Variants in KAZN observed in about 807,000 individuals in gnomAD.
KAZN encodes kazrin.
A neutral mutation model predicts 87.4 loss-of-function variants in KAZN; 40 were observed. The ratio of observed to expected loss-of-function variants is 0.46; its 90% CI spans 0.36 to 0.60. The LOEUF is 0.60. Ranked by LOEUF, KAZN falls within the 20% of genes least tolerant of loss-of-function variation. The pLI is 0.00. For synonymous variants in KAZN, 466 were observed against 458.3 expected (o/e 1.02, Z -0.22); for missense variants, 898 against 1,073.9 (o/e 0.84, Z 2.29).
chr1:14,999,286 G>A (rs866615178), intron 2 of KAZN, among the ~76,000 whole-genome samples: 6 of 152,322 alleles, frequency 3.9e-5, no homozygotes, highest in East Asian at 1.9e-4. Context: ...GTCTTACTGC[G>A]TGTGACTTTA....
At chr1:14,438,383 A>G (rs1037481440) in intron 2 of KAZN, among the ~76,000 whole-genome samples, 2 of 152,222 alleles carry the variant, frequency 1.3e-5, no homozygotes, top group African/African-American at 2.4e-5. Flanking sequence ...AAGACATATG[A>G]CATGTCAGAT....
chr1:14,082,966 C>G (rs755984059), intron 1 of KAZN, among the ~76,000 whole-genome samples: 1 of 152,178 alleles, frequency 6.6e-6, no homozygotes, highest in Non-Finnish European at 1.5e-5. Context: ...GAGGCCGAGG[C>G]GGGTGGATCA....
At chr1:14,884,941 A>G (rs1338083798) in intron 1 of KAZN, among the ~76,000 whole-genome samples, 1 of 152,234 alleles carries the variant, frequency 6.6e-6, no homozygotes, top group Non-Finnish European at 1.5e-5. Context: ...AGGGGACCTT[A>G]GACCCTGGCA....
intron 1 of KAZN, among the ~76,000 whole-genome samples, chr1:14,700,872 G>C (rs931052151): frequency 6.6e-6 from 1 of 152,124 alleles, no homozygotes; most frequent in Non-Finnish European, 1.5e-5. Context: ...GCCCCTCTAG[G>C]AGTTGGATAA....
At chr1:14,595,104 A>G (rs1052614520), upstream of KAZN, among the ~76,000 whole-genome samples, 4 of 151,680 alleles carry the variant, frequency 2.6e-5, no homozygotes, top group African/African-American at 4.9e-5. Flanking sequence ...AGATCACACC[A>G]CTATGCTCCA....
chr1:14,493,021 A>G (rs1669758417), intron 2 of KAZN, among the ~76,000 whole-genome samples: 1 of 151,732 alleles, frequency 6.6e-6, no homozygotes, highest in Non-Finnish European at 1.5e-5. Context: ...ATTCTTCCCT[A>G]GACGTTCGCA....
chr1:14,416,705 C>T (rs1309789317), intron 2 of KAZN, among the ~76,000 whole-genome samples: 2 of 151,742 alleles, frequency 1.3e-5, no homozygotes, highest in Non-Finnish European at 2.9e-5. Context: ...CCACTGCACT[C>T]CAGCCTGGGT....
intron 2 of KAZN, among the ~76,000 whole-genome samples, chr1:14,492,721 ACACACAC>A: frequency 1.1e-4 from 1 of 9,380 alleles, no homozygotes; most frequent in African/African-American, 3.9e-4. Flanking sequence ...TACACACACC[ACACACAC>A]CACATACAGC....
At chr1:15,038,106 T>C (rs1015274938) in intron 3 of KAZN, among the ~76,000 whole-genome samples, 4 of 151,874 alleles carry the variant, frequency 2.6e-5, no homozygotes, top group Admixed American at 6.6e-5. Flanking sequence ...TTTTAAAAAT[T>C]AGTGGGGCAG....
upstream of KAZN, chr1:14,598,635 G>A: frequency 8.9e-7 from 1 of 1,123,878 alleles, no homozygotes; most frequent in South Asian, 4.0e-5. This position sits in a 1 kb window ranked among gnomAD's most constrained non-coding sequence, Gnocchi z 4.2. Context: ...TCCCGAGCCG[G>A]CGGCGAATGG....
At chr1:14,465,732 G>T (rs1668090154) in intron 2 of KAZN, among the ~76,000 whole-genome samples, 1 of 152,178 alleles carries the variant, frequency 6.6e-6, no homozygotes, top group Non-Finnish European at 1.5e-5. Flanking sequence ...ATTTGTGCCA[G>T]CTTCACTTTA....
chr1:13,998,858 A>G (rs1003108069), intron 1 of KAZN, among the ~76,000 whole-genome samples: 5 of 152,242 alleles, frequency 3.3e-5, no homozygotes, highest in Non-Finnish European at 7.3e-5. Context: ...GCTCTGGATC[A>G]AGCAGACCTT....
At chr1:14,522,488 G>T (rs1460678892) in intron 2 of KAZN, among the ~76,000 whole-genome samples, 1 of 152,114 alleles carries the variant, frequency 6.6e-6, no homozygotes, top group Non-Finnish European at 1.5e-5. Flanking sequence ...CTTCCAAAAG[G>T]TTTCCTGCAA....
intron 2 of KAZN, among the ~76,000 whole-genome samples, chr1:14,508,705 C>T (rs773264801): frequency 2.6e-5 from 4 of 152,250 alleles, no homozygotes; most frequent in East Asian, 3.9e-4. Flanking sequence ...TTATGTAGAG[C>T]GCTTAAAGCC....
intron 2 of KAZN, among the ~76,000 whole-genome samples, chr1:14,975,446 T>G (rs1456348099): frequency 1.3e-5 from 2 of 152,136 alleles, no homozygotes; most frequent in Non-Finnish European, 2.9e-5. Flanking sequence ...CAGACCAGCT[T>G]AGAGAGGAAC....
intron 1 of KAZN, among the ~76,000 whole-genome samples, chr1:14,138,994 G>C (rs1438775890): frequency 6.6e-6 from 1 of 152,234 alleles, no homozygotes; most frequent in Non-Finnish European, 1.5e-5. Flanking sequence ...TGAAGTTAAT[G>C]TCTGGGCTGG....
intron 2 of KAZN, among the ~76,000 whole-genome samples, chr1:14,583,584 C>CT (rs1675679399): frequency 6.6e-6 from 1 of 152,314 alleles, no homozygotes. Flanking sequence ...ATCCAAGTCA[C>CT]TGGCCCAAGG....
At chr1:14,802,001 C>T (rs979036034) in intron 1 of KAZN, among the ~76,000 whole-genome samples, 10 of 151,922 alleles carry the variant, frequency 6.6e-5, no homozygotes, top group African/African-American at 2.4e-4. Context: ...TAAACTTTTT[C>T]TCTGCGCTGA....
intron 1 of KAZN, among the ~76,000 whole-genome samples, chr1:13,899,163 G>A (rs534112702): frequency 4.3e-4 from 66 of 152,152 alleles, no homozygotes; most frequent in Non-Finnish European, 7.9e-4. Flanking sequence ...AAAAAGATTC[G>A]CCATGGCGAA....
Sources: gnomAD v4.1 joint callset for allele counts (sites outside exome capture counted in the v4.1 genomes callset) on GRCh38, gnomAD v4.1.1 for gene constraint, Gnocchi (gnomAD v3.1) non-coding constraint, MANE v1.5 for transcripts, NCBI Gene and HGNC (gene_info 2026-07-23, HGNC 2026-07-21) for gene names.